HSD17B3: variants seen among roughly 807,000 people sequenced by gnomAD.
HSD17B3 encodes hydroxysteroid 17-beta dehydrogenase 3, also known as 17-beta-hydroxysteroid dehydrogenase type 3.
Under a neutral mutation model 41.1 loss-of-function variants are expected in HSD17B3, and 29 were observed. The ratio of observed to expected loss-of-function variants is 0.71; its 90% confidence interval spans 0.53 to 0.96. The LOEUF (loss-of-function observed/expected upper bound fraction) is 0.96, where lower values mean the gene tolerates loss of function less well. Among genes scored for constraint, HSD17B3 ranks in the 40% least tolerant of loss-of-function variants. The pLI is 0.00. For synonymous variants in HSD17B3, 126 were observed against 145.6 expected (o/e 0.87, Z 0.97); for missense variants, 323 against 374.6 (o/e 0.86, Z 1.14).
At chr9:96,246,736 G>A in intron 6 of HSD17B3, 146 bp from the exon 7 acceptor site, 1 of 746,064 alleles carries the variant, frequency 1.3e-6, no homozygotes, top group Non-Finnish European at 2.4e-6. Flanking sequence ...GGCACTCATT[G>A]GAGGTCACTC....
At chr9:96,292,615 T>C (rs1827197333) in intron 2 of HSD17B3, among the ~76,000 whole-genome samples, 1 of 152,190 alleles carries the variant, frequency 6.6e-6, no homozygotes, top group African/African-American at 2.4e-5. Context: ...CCCAAAATGC[T>C]GGGATTACAG....
At position 96,275,589 on chromosome 9, in the gene HSD17B3, G is replaced by GA. The variant is rs949343345; in HGVS notation, c.202-20647dup. 1.1e-3 allele frequency among the ~76,000 whole-genome samples: 151 copies of GA among 140,256 alleles called. 1 individual carries two copies. The highest frequency in any genetic ancestry group is 2.5e-3 in the African/African-American group (96 of 38,188). 92.0% of individuals were successfully genotyped at this position (140,256 alleles called of 152,430 possible). Reference sequence around the variant, plus strand: ...AGTGAGACCCTATCTCAGAAAAAAAGAAAAAAAAAAGCAAACTCTTTCTAC... The same window carrying GA: ...AGTGAGACCCTATCTCAGAAAAAAAGAAAAAAAAAAAGCAAACTCTTTCTAC... On this transcript the variant is annotated intron_variant, in intron 2 of 10. Transcript: ENST00000375263.
chr9:96,281,760 T>A (rs1319607189), intron 2 of HSD17B3, among the ~76,000 whole-genome samples: 1 of 152,202 alleles, frequency 6.6e-6, no homozygotes, highest in African/African-American at 2.4e-5. Flanking sequence ...CAGGAAAAGA[T>A]CCCTTCACTA....
chr9:96,299,694 C>T (rs1308647065), intron 1 of HSD17B3, among the ~76,000 whole-genome samples: 2 of 152,124 alleles, frequency 1.3e-5, no homozygotes, highest in Non-Finnish European at 2.9e-5. Context: ...GGTCACACTG[C>T]TAAAAATGAT....
intron 2 of HSD17B3, among the ~76,000 whole-genome samples, chr9:96,266,948 C>T (rs1826062581): frequency 6.6e-6 from 1 of 152,086 alleles, no homozygotes; most frequent in Admixed American, 6.5e-5. Context: ...CCTTGAGGCA[C>T]TTGCTTAGGA....
At chr9:96,279,832 C>T (rs1037555556) in intron 2 of HSD17B3, among the ~76,000 whole-genome samples, 4 of 151,536 alleles carry the variant, frequency 2.6e-5, no homozygotes, top group Admixed American at 6.6e-5. Flanking sequence ...TGCAGTGGCG[C>T]GATCTCGGCT....
At chr9:96,268,299 C>A (rs1258696355) in intron 2 of HSD17B3, among the ~76,000 whole-genome samples, 1 of 152,100 alleles carries the variant, frequency 6.6e-6, no homozygotes, top group African/African-American at 2.4e-5. Context: ...TTACAATAAA[C>A]TCATTTCCTG....
intron 2 of HSD17B3, among the ~76,000 whole-genome samples, chr9:96,288,507 G>A (rs1827013345): frequency 1.3e-5 from 2 of 152,120 alleles, no homozygotes; most frequent in African/African-American, 4.8e-5. Flanking sequence ...TAGGCCAAGT[G>A]AGATAGCTCA....
intron 2 of HSD17B3, among the ~76,000 whole-genome samples, chr9:96,260,980 T>A (rs1184130236): frequency 1.3e-5 from 2 of 152,304 alleles, no homozygotes; most frequent in East Asian, 3.9e-4. Context: ...TTATGTTCAC[T>A]GTGCGCTCTT....
At chr9:96,238,733 T>C (rs1182480351) in intron 10 of HSD17B3, among the ~76,000 whole-genome samples, 1 of 152,054 alleles carries the variant, frequency 6.6e-6, no homozygotes, top group African/African-American at 2.4e-5. Context: ...AAAGGCGTGG[T>C]CAGAAGTGTG....
intron 2 of HSD17B3, among the ~76,000 whole-genome samples, chr9:96,293,690 T>C (rs1827243038): frequency 6.6e-6 from 1 of 151,894 alleles, no homozygotes; most frequent in Non-Finnish European, 1.5e-5. Context: ...ACACACATCC[T>C]ATTGATTCTG....
intron 9 of HSD17B3, among the ~76,000 whole-genome samples, chr9:96,242,304 G>A (rs923445374): frequency 2.0e-5 from 3 of 152,152 alleles, no homozygotes; most frequent in Non-Finnish European, 4.4e-5. Context: ...GTGATTTTGG[G>A]TTGACAAAAC....
chr9:96,267,225 C>T (rs950182488), intron 2 of HSD17B3, among the ~76,000 whole-genome samples: 2 of 150,870 alleles, frequency 1.3e-5, no homozygotes, highest in East Asian at 3.9e-4. Context: ...GGTGCAATCT[C>T]GGCTCACTGC....
At chr9:96,240,297 C>T (rs1370505916) in intron 10 of HSD17B3, among the ~76,000 whole-genome samples, 6 of 152,220 alleles carry the variant, frequency 3.9e-5, no homozygotes, top group Non-Finnish European at 8.8e-5. Flanking sequence ...AATTCATGCA[C>T]ACAGCGTCAT....
intron 2 of HSD17B3, among the ~76,000 whole-genome samples, chr9:96,293,661 ATGTGTGTGTGTG>A (rs113941501): frequency 6.8e-6 from 1 of 146,278 alleles, no homozygotes; most frequent in Non-Finnish European, 1.5e-5. Context: ...CTGTGTGTGT[ATGTGTGTGTGTG>A]TGTGTGACAC....
At chr9:96,270,269 CAGAG>C (rs961122103) in intron 2 of HSD17B3, among the ~76,000 whole-genome samples, 35 of 150,856 alleles carry the variant, frequency 2.3e-4, no homozygotes, top group African/African-American at 4.6e-4. Flanking sequence ...CACACACACA[CAGAG>C]AGAGAGAGAG....
At chr9:96,241,553 C>G (rs1836438674) in intron 9 of HSD17B3, among the ~76,000 whole-genome samples, 2 of 152,186 alleles carry the variant, frequency 1.3e-5, no homozygotes, top group South Asian at 4.1e-4. Context: ...CATGTTTCCA[C>G]CTGTGGGCTA....
At chr9:96,290,474 TTTTTTC>T (rs1265078516) in intron 2 of HSD17B3, among the ~76,000 whole-genome samples, 22 of 146,586 alleles carry the variant, frequency 1.5e-4, no homozygotes, top group East Asian at 8.0e-4. Flanking sequence ...TTTTTTTTTT[TTTTTTC>T]CACATATCCC....
chr9:96,271,481 C>T (rs1325196759), intron 2 of HSD17B3, among the ~76,000 whole-genome samples: 1 of 152,202 alleles, frequency 6.6e-6, no homozygotes, highest in African/African-American at 2.4e-5. Flanking sequence ...GCCTTCCTTG[C>T]ACTTGGGTTG....
Sources: allele counts gnomAD v4.1 joint callset (sites outside exome capture counted in the v4.1 genomes callset), GRCh38; gene constraint gnomAD v4.1.1; transcripts MANE v1.5; gene names NCBI Gene and HGNC (gene_info 2026-07-23, HGNC 2026-07-21).